Variants in LRMDA observed in about 807,000 individuals in gnomAD.
LRMDA encodes the protein leucine rich melanocyte differentiation associated.
LRMDA carries 18 observed loss-of-function variants against 29.8 expected under a neutral mutation model. That is an observed-to-expected ratio of 0.60 (90% CI 0.42 to 0.90). LRMDA has a LOEUF of 0.90. Among genes scored for constraint, LRMDA ranks in the 40% least tolerant of loss-of-function variants. LRMDA has a pLI of 0.00. For synonymous variants in LRMDA, 125 were observed against 109.4 expected (o/e 1.14, Z -0.89); for missense variants, 273 against 273.9 (o/e 1.00, Z 0.02).
intron 2 of LRMDA, among the ~76,000 whole-genome samples, chr10:75,533,895 C>G (rs887602230): frequency 6.6e-6 from 1 of 152,182 alleles, no homozygotes; most frequent in Admixed American, 6.5e-5. Flanking sequence ...ATAAAATGTA[C>G]ATGCGATATG....
chr10:75,862,373 A>G (rs923435407), intron 2 of LRMDA, among the ~76,000 whole-genome samples: 2 of 152,106 alleles, frequency 1.3e-5, no homozygotes, highest in African/African-American at 4.8e-5. Flanking sequence ...GGGTATGTCC[A>G]TTTCATTAAG....
At chr10:76,188,922 G>A (rs1031020478) in intron 5 of LRMDA, among the ~76,000 whole-genome samples, 3 of 142,176 alleles carry the variant, frequency 2.1e-5, no homozygotes, top group South Asian at 2.2e-4. Context: ...GCCTCTAGGC[G>A]AATGATTGCA....
rs182159662 is a variant in LRMDA at position 76,325,148 on chromosome 10, C to T, written c.601+663C>T. 3.9e-5 allele frequency among the ~76,000 whole-genome samples: 6 copies of T among 152,232 alleles called. No homozygotes were observed. The East Asian group carries it at 5.8e-4, about 15-fold the overall frequency. ...CCAAGAAGGAAATTCCACTTGTACA[C>T]GTAAAGGTGAAAGTGAACAGGGGCT... On this transcript the variant is annotated intron_variant, in intron 6 of 6. Transcript: ENST00000611255.
intron 6 of LRMDA, among the ~76,000 whole-genome samples, chr10:76,490,305 G>A (rs988268177): frequency 1.3e-5 from 2 of 151,728 alleles, no homozygotes; most frequent in African/African-American, 4.8e-5. Context: ...AGATCCATTT[G>A]GTCTATAGTC....
intron 2 of LRMDA, among the ~76,000 whole-genome samples, chr10:75,554,952 C>A (rs1309629439): frequency 1.3e-5 from 2 of 152,148 alleles, no homozygotes; most frequent in Non-Finnish European, 2.9e-5. Flanking sequence ...AGCAGAATAT[C>A]AGCCAGGGTG....
chr10:75,916,948 T>G (rs1845944848), intron 2 of LRMDA, among the ~76,000 whole-genome samples: 1 of 152,202 alleles, frequency 6.6e-6, no homozygotes, highest in African/African-American at 2.4e-5. Flanking sequence ...TTGGCTGTAT[T>G]TTGAAGATTG....
At chr10:76,317,028 G>T (rs1221588265) in intron 5 of LRMDA, among the ~76,000 whole-genome samples, 1 of 152,182 alleles carries the variant, frequency 6.6e-6, no homozygotes, top group Non-Finnish European at 1.5e-5. Context: ...GGTGCCCAGT[G>T]GACAGTGAAG....
intron 5 of LRMDA, among the ~76,000 whole-genome samples, chr10:76,282,099 A>G (rs1169504552): frequency 6.6e-6 from 1 of 152,162 alleles, no homozygotes; most frequent in African/African-American, 2.4e-5. Flanking sequence ...ACATAAATAT[A>G]TTTTGTGTAA....
chr10:75,692,661 T>C (rs965287078), intron 2 of LRMDA, among the ~76,000 whole-genome samples: 1 of 150,202 alleles, frequency 6.7e-6, no homozygotes, highest in African/African-American at 2.4e-5. Flanking sequence ...TTCCACCAAA[T>C]CCAGAAAATA....
At chr10:75,498,999 C>A (rs1845080720) in intron 2 of LRMDA, among the ~76,000 whole-genome samples, 1 of 152,102 alleles carries the variant, frequency 6.6e-6, no homozygotes, top group East Asian at 1.9e-4. Flanking sequence ...TGTGCAGGAC[C>A]AGGTGAGAAG....
At chr10:75,743,311 T>G (rs1236613811) in intron 2 of LRMDA, among the ~76,000 whole-genome samples, 1 of 152,214 alleles carries the variant, frequency 6.6e-6, no homozygotes, top group African/African-American at 2.4e-5. Context: ...TGAGATTTGC[T>G]TTGATTTCTC....
intron 2 of LRMDA, among the ~76,000 whole-genome samples, chr10:75,486,634 G>A (rs564082599): frequency 6.6e-6 from 1 of 152,130 alleles, no homozygotes. Flanking sequence ...TTGTAAAGGG[G>A]CATTCTGGTC....
chr10:76,018,140 G>A (rs1448070280), intron 2 of LRMDA, among the ~76,000 whole-genome samples: 1 of 152,186 alleles, frequency 6.6e-6, no homozygotes, highest in Non-Finnish European at 1.5e-5. Flanking sequence ...AGGAAGCAGA[G>A]CAGTTTGCCC....
intron 2 of LRMDA, among the ~76,000 whole-genome samples, chr10:75,972,292 T>C (rs1206664981): frequency 6.6e-6 from 1 of 151,954 alleles, no homozygotes; most frequent in East Asian, 1.9e-4. Context: ...TTTTTTTTAA[T>C]GAATATTTTT....
At chr10:75,750,814 C>T (rs1160719051) in intron 2 of LRMDA, among the ~76,000 whole-genome samples, 4 of 150,034 alleles carry the variant, frequency 2.7e-5, no homozygotes, top group South Asian at 2.1e-4. Context: ...CGGGAAGAGG[C>T]GCTCCTCACT....
chr10:75,958,451 A>T (rs763143642), intron 2 of LRMDA, among the ~76,000 whole-genome samples: 2 of 152,140 alleles, frequency 1.3e-5, no homozygotes, highest in African/African-American at 4.8e-5. Flanking sequence ...TGAATTGATC[A>T]TTGCAGGCAT....
intron 6 of LRMDA, among the ~76,000 whole-genome samples, chr10:76,549,803 G>A (rs754668594): frequency 1.3e-5 from 2 of 152,156 alleles, no homozygotes; most frequent in Admixed American, 6.5e-5. Flanking sequence ...TTTATATCTT[G>A]TTGATATATT....
At chr10:76,393,917 G>A (rs376724666) in intron 6 of LRMDA, among the ~76,000 whole-genome samples, 4 of 152,222 alleles carry the variant, frequency 2.6e-5, no homozygotes, top group East Asian at 1.9e-4. Context: ...TGAGGAGACC[G>A]TCCTTTCTGC....
chr10:76,319,826 G>A (rs773473551), intron 5 of LRMDA, among the ~76,000 whole-genome samples: 7 of 152,150 alleles, frequency 4.6e-5, no homozygotes, highest in Non-Finnish European at 1.0e-4. Context: ...ATGCCAAAGC[G>A]CTCCACTTGA....
Sources: gnomAD v4.1 joint callset for allele counts (sites outside exome capture counted in the v4.1 genomes callset) on GRCh38, gnomAD v4.1.1 for gene constraint, MANE v1.5 for transcripts, NCBI Gene and HGNC (gene_info 2026-07-23, HGNC 2026-07-21) for gene names.